Variants in CAMKMT observed in about 807,000 individuals in gnomAD.
CAMKMT encodes CaM KMT.
CAMKMT carries 53 observed loss-of-function variants against 48.0 expected under a neutral mutation model. That is an observed-to-expected ratio of 1.10 (90% confidence interval 0.89 to 1.39). The LOEUF (loss-of-function observed/expected upper bound fraction) is 1.39, where lower values mean the gene tolerates loss of function less well. Ranked by LOEUF, CAMKMT falls within the 40% of genes most tolerant of loss-of-function variation. CAMKMT has a pLI of 0.00. For synonymous variants in CAMKMT, 165 were observed against 152.3 expected, an observed-to-expected ratio of 1.08 and a Z score of -0.61; for missense variants, 428 against 402.7, an observed-to-expected ratio of 1.06 and a Z score of -0.54.
chr2:44,428,295 C>G (rs1018289858), intron 3 of CAMKMT, among the ~76,000 whole-genome samples: 1 of 152,176 alleles, frequency 6.6e-6, no homozygotes, highest in Admixed American at 6.5e-5. Context: ...AGAGTTCGGT[C>G]GTTCCCAGCC....
chr2:44,471,012 T>A lies in CAMKMT; in HGVS notation c.376+80707T>A, dbSNP rs1013734785. On this transcript the variant is annotated intron_variant, in intron 3 of 10. Transcript: ENST00000378494. ...TCTCTCTCTTTTTTTTTTTTTTTTT[T>A]TTGAGACAGTTTCGCTCTCTCACCC... 1.0e-3 allele frequency among the ~76,000 whole-genome samples: 151 copies of A among 148,650 alleles called. 1 individual carries two copies. The East Asian group carries it at 0.023, about 23-fold the overall frequency.
Position 44,534,541 on chromosome 2 carries a change from A to C in CAMKMT, c.376+144236A>C, listed in dbSNP as rs368464663. Among the ~76,000 whole-genome samples the C allele has an allele frequency of 1.1e-4, 16 of 152,314 alleles. No homozygotes were observed. The East Asian group carries it at 1.9e-3, about 18-fold the overall frequency. On this transcript the variant is annotated intron_variant, in intron 3 of 10. Transcript: ENST00000378494. ...ATAGCAATCCTATCAGTATCTTCTC[A>C]GATCACAATTAAACTAGAAATCAAT...
intron 3 of CAMKMT, among the ~76,000 whole-genome samples, chr2:44,591,563 A>G (rs191760814): frequency 6.6e-6 from 1 of 152,138 alleles, no homozygotes; most frequent in Admixed American, 6.6e-5. Context: ...TTTGTCTGTT[A>G]TTGGTGCTGG....
chr2:44,689,909 G>C (rs1273066731), intron 3 of CAMKMT, among the ~76,000 whole-genome samples: 1 of 152,338 alleles, frequency 6.6e-6, no homozygotes, highest in East Asian at 1.9e-4. Context: ...AGAGAGCTGT[G>C]CTCAATATTG....
intron 3 of CAMKMT, among the ~76,000 whole-genome samples, chr2:44,587,258 C>G (rs1211056648): frequency 1.3e-5 from 2 of 152,126 alleles, no homozygotes; most frequent in Non-Finnish European, 2.9e-5. Context: ...AATACTGAGT[C>G]TTCTAATCAA....
intron 3 of CAMKMT, among the ~76,000 whole-genome samples, chr2:44,402,740 G>GTTTTTTTTTTTTTTTTTTTTTTTTTT: frequency 2.1e-5 from 2 of 94,104 alleles, no homozygotes; most frequent in Non-Finnish European, 4.3e-5. Context: ...TTGTTTTGCT[G>GTTTTTTTTTTTTTTTTTTTTTTTTTT]TTTTTTTTTT....
At chr2:44,372,388 G>A (rs571033616) in intron 1 of CAMKMT, among the ~76,000 whole-genome samples, 2 of 151,922 alleles carry the variant, frequency 1.3e-5, no homozygotes, top group African/African-American at 4.8e-5. Context: ...GGGAGCCTGA[G>A]GTAGGAGGAT....
At chr2:44,666,909 TG>T (rs1408134257) in intron 3 of CAMKMT, among the ~76,000 whole-genome samples, 3 of 152,188 alleles carry the variant, frequency 2.0e-5, no homozygotes, top group African/African-American at 7.2e-5. Context: ...CGCCCAGCTA[TG>T]TTCTTAATTT....
At chr2:44,635,336 A>C (rs1254339353) in intron 3 of CAMKMT, among the ~76,000 whole-genome samples, 1 of 152,188 alleles carries the variant, frequency 6.6e-6, no homozygotes, top group South Asian at 2.1e-4. Context: ...CTGGCCTCCA[A>C]AGTTTTCTGA....
At chr2:44,453,436 G>A (rs1191533539) in intron 3 of CAMKMT, among the ~76,000 whole-genome samples, 2 of 152,000 alleles carry the variant, frequency 1.3e-5, no homozygotes, top group African/African-American at 4.8e-5. Context: ...ACATAATAAT[G>A]CACATTGCCC....
chr2:44,443,201 A>G (rs1418952624), intron 3 of CAMKMT, among the ~76,000 whole-genome samples: 1 of 152,198 alleles, frequency 6.6e-6, no homozygotes, highest in African/African-American at 2.4e-5. Context: ...ATGGTAATCT[A>G]ATGGCATACC....
At chr2:44,759,473 A>G (rs1680521421) in intron 9 of CAMKMT, among the ~76,000 whole-genome samples, 1 of 151,892 alleles carries the variant, frequency 6.6e-6, no homozygotes, top group East Asian at 1.9e-4. Flanking sequence ...AAAGTCTAAC[A>G]TCTCTGCCCA....
At chr2:44,578,864 C>G (rs1419850858) in intron 3 of CAMKMT, among the ~76,000 whole-genome samples, 1 of 152,158 alleles carries the variant, frequency 6.6e-6, no homozygotes, top group East Asian at 1.9e-4. Context: ...ATTGTGACTA[C>G]AAATGACTAT....
chr2:44,533,430 G>A (rs951315596), intron 3 of CAMKMT, among the ~76,000 whole-genome samples: 1 of 151,604 alleles, frequency 6.6e-6, no homozygotes, highest in South Asian at 2.1e-4. Context: ...GTAGAGACAG[G>A]GTTTCACCAT....
At chr2:44,519,939 C>T (rs931708958) in intron 3 of CAMKMT, among the ~76,000 whole-genome samples, 19 of 151,806 alleles carry the variant, frequency 1.3e-4, no homozygotes, top group African/African-American at 4.1e-4. Context: ...TGGCCGGGCG[C>T]GGTGGCTCAT....
intron 3 of CAMKMT, among the ~76,000 whole-genome samples, chr2:44,465,566 G>C (rs1668068598): frequency 2.3e-5 from 1 of 42,852 alleles, no homozygotes. Context: ...ACTGTACTCT[G>C]TCAAAAAAAA....
intron 3 of CAMKMT, among the ~76,000 whole-genome samples, chr2:44,579,190 G>A (rs946777176): frequency 6.6e-5 from 10 of 152,062 alleles, no homozygotes; most frequent in African/African-American, 2.2e-4. Flanking sequence ...AGGGCAGAAG[G>A]TTGTGGTACC....
intron 3 of CAMKMT, among the ~76,000 whole-genome samples, chr2:44,641,922 G>A (rs746719556): frequency 6.6e-6 from 1 of 152,062 alleles, no homozygotes; most frequent in African/African-American, 2.4e-5. Context: ...CCATCCTTGC[G>A]CCAATATTAA....
chr2:44,518,955 G>C (rs906735189), intron 3 of CAMKMT, among the ~76,000 whole-genome samples: 4 of 152,214 alleles, frequency 2.6e-5, no homozygotes, highest in African/African-American at 9.6e-5. Context: ...CTACCATAAT[G>C]ATACTTCTTT....
Sources: allele counts gnomAD v4.1 joint callset (sites outside exome capture counted in the v4.1 genomes callset), GRCh38; gene constraint gnomAD v4.1.1; transcripts MANE v1.5; gene names NCBI Gene and HGNC (gene_info 2026-07-23, HGNC 2026-07-21).